The following ZNF658 variants were observed in gnomAD, a reference collection of about 807,000 sequenced individuals.
ZNF658 encodes zinc finger protein 658.
Under a neutral mutation model 78.0 loss-of-function variants are expected in ZNF658, and 46 were observed. The ratio of observed to expected loss-of-function variants is 0.59; its 90% CI spans 0.47 to 0.75. ZNF658 has a LOEUF of 0.75. Ranked by LOEUF, ZNF658 falls within the 30% of genes least tolerant of loss-of-function variation. The probability of loss-of-function intolerance (pLI) is 0.00; values close to 1 mark genes in which losing one functional copy is unlikely to be tolerated. For missense variants in ZNF658, 785 were observed against 1,189.3 expected (o/e 0.66, Z 5.00); for synonymous variants, 279 against 408.4 (o/e 0.68, Z 3.82).
intron 2 of ZNF658, among the ~76,000 whole-genome samples, chr9:66,904,192 C>T (rs1028083955): frequency 4.6e-5 from 7 of 151,494 alleles, no homozygotes; most frequent in East Asian, 1.9e-4. Context: ...TAGCATTTAA[C>T]GTCAACTCTC....
At chr9:66,900,900 CGGA>C (rs1821937764) in intron 1 of ZNF658, 64 bp downstream of exon 1, 1 of 152,024 alleles carries the variant, frequency 6.6e-6, no homozygotes, top group South Asian at 2.1e-4. Flanking sequence ...GGCTTGTGTG[CGGA>C]GGACAGCAGC....
chr9:66,920,290 A>C lies in ZNF658; in HGVS notation c.2724A>C (p.Lys908Asn), dbSNP rs1182838548. ...RAHLRTRSGE[K>N]PYECSECGKT... is the part of the protein sequence containing the mutation. The stretch of plus-strand genomic sequence containing the variant: ...ATCTTAGAACTCGCTCAGGGGAGAA[A>C]CCCTATGAATGCAGTGAATGTGGGA... Residue 908 changes from lysine (K) to asparagine (N), a missense_variant, in exon 5 of 5, where the codon AAA becomes AAC. Lys to Asn is a moderately conservative substitution (Grantham distance 94). This residue lies in a region of ZNF658 where 85 missense variants were observed against 108.6 expected (regional missense o/e 0.78). Transcript: ENST00000621410. 5 of 1,613,942 alleles carry C rather than the reference A, an allele frequency of 3.1e-6. No individual in the cohort carries two copies. The South Asian group carries it at 5.5e-5, about 18-fold the overall frequency.
intron 4 of ZNF658, among the ~76,000 whole-genome samples, 164 bp downstream of exon 4, chr9:66,908,898 A>G (rs1233982029): frequency 1.3e-5 from 2 of 152,192 alleles, no homozygotes; most frequent in Admixed American, 6.6e-5. Flanking sequence ...ACCACAGATC[A>G]AAACTATTCA....
At chr9:66,929,367 C>T (rs1365580362) in intron 6 of ZNF658, among the ~76,000 whole-genome samples, 1 of 137,396 alleles carries the variant, frequency 7.3e-6, no homozygotes, top group African/African-American at 2.8e-5. Flanking sequence ...ATTACCTGTG[C>T]TACCACACAG....
chr9:66,906,048 G>A (rs1236812351), intron 2 of ZNF658, among the ~76,000 whole-genome samples: 1 of 140,056 alleles, frequency 7.1e-6, no homozygotes, highest in Non-Finnish European at 1.5e-5. Flanking sequence ...TTTGTCTAGT[G>A]ACTTTTTAAT....
chr9:66,908,509 C>T (rs1259546537), intron 3 of ZNF658, 130 bp from the exon 4 acceptor site: 4 of 1,451,406 alleles, frequency 2.8e-6, no homozygotes, highest in Non-Finnish European at 3.7e-6. Context: ...ACAAAAGCAA[C>T]ATGTCATTAC....
chr9:66,915,049 A>T (rs1822301547), intron 4 of ZNF658, among the ~76,000 whole-genome samples: 1 of 125,916 alleles, frequency 7.9e-6, no homozygotes. Flanking sequence ...TGTTCTTTGG[A>T]ATTGCACACA....
In ZNF658 at chr9:66,918,724, T is replaced by C. The variant is rs1336249280; in HGVS notation, c.1158T>C (p.His386=). The C allele has an allele frequency of 3.7e-6, 6 of 1,613,824 alleles. No individual in the cohort carries two copies. Among genetic ancestry groups the C allele is most frequent in the South Asian group, 2.2e-5 (2 of 91,076 alleles). ...TEDKFYLSDE[H]GKCRKSFYRK... ...ATAAATTCTACCTTTCTGATGAACA[T>C]GGGAAATGCAGAAAATCCTTTTACC... The change falls in exon 5 of 5, where the codon CAT becomes CAC. Residue 386 remains histidine, a synonymous_variant. Transcript: ENST00000621410.
intron 6 of ZNF658, among the ~76,000 whole-genome samples, chr9:66,927,030 C>T (rs1822592394): frequency 6.6e-6 from 1 of 151,970 alleles, no homozygotes; most frequent in African/African-American, 2.4e-5. Context: ...GGATCCTTGT[C>T]TTATACCATA....
intron 6 of ZNF658, among the ~76,000 whole-genome samples, chr9:66,926,570 G>A (rs1822587797): frequency 1.4e-5 from 2 of 138,898 alleles, no homozygotes; most frequent in African/African-American, 2.6e-5. Flanking sequence ...AAATTTAAAA[G>A]GACACAAGTA....
chr9:66,903,840 G>C (rs981473827), intron 2 of ZNF658, among the ~76,000 whole-genome samples: 3 of 151,814 alleles, frequency 2.0e-5, no homozygotes, highest in Non-Finnish European at 4.4e-5. Flanking sequence ...AATACTTAAA[G>C]GTTTACATTG....
At chr9:66,923,242 A>G (rs530836360), downstream of ZNF658, among the ~76,000 whole-genome samples, 48 of 151,804 alleles carry the variant, frequency 3.2e-4, no homozygotes, top group African/African-American at 1.1e-3. Context: ...GCCAGGAAGC[A>G]TACAGCATGG....
chr9:66,905,683 GT>G (rs1273973679), intron 2 of ZNF658, among the ~76,000 whole-genome samples: 2 of 133,540 alleles, frequency 1.5e-5, no homozygotes, highest in Non-Finnish European at 3.1e-5. Flanking sequence ...TAAAATATTT[GT>G]TTTAGTTTTG....
chr9:66,908,738 A>G lies in ZNF658; in HGVS notation c.238+4A>G. The stretch of plus-strand genomic sequence containing the variant: ...TTCCTGAACCAGAGGTACCCAGGTG[A>G]GTGGGCATTAACAGAAGGAGCCCCC... On this transcript the variant is annotated splice_donor_region_variant and intron_variant, in intron 4 of 4. Coordinates refer to ENST00000621410, the MANE Select transcript of ZNF658 (RefSeq NM_033160.7). 1 of 1,610,488 alleles carries G rather than the reference A, an allele frequency of 6.2e-7. No individual in the cohort carries two copies. Among genetic ancestry groups the G allele is most frequent in the Non-Finnish European group, 8.5e-7 (1 of 1,178,802 alleles).
In ZNF658 at chr9:66,921,229, C is replaced by T. The variant is rs2118116795; in HGVS notation, c.*483C>T. ...CTTTATGTTAGAGTGAGATGAAACC[C>T]TATGAATATAATCAGTTTTAGAAAA... On this transcript the variant is annotated 3_prime_UTR_variant, in exon 5 of 5. Transcript: ENST00000621410. 1 of 157,940 alleles carries T rather than the reference C, an allele frequency of 6.3e-6. No individual in the cohort carries two copies. Among genetic ancestry groups the T allele is most frequent in the South Asian group, 1.7e-4 (1 of 5,912 alleles). The allele number at this position is 157,940 out of a possible 1,614,324, so 9.8% of individuals were successfully genotyped here.
Position 66,920,157 on chromosome 9 carries a change from C to T in ZNF658, c.2591C>T (p.Ala864Val). 1 of 1,609,476 alleles carries T rather than the reference C, an allele frequency of 6.2e-7. No individual in the cohort carries two copies. Among genetic ancestry groups the T allele is most frequent in the East Asian group, 2.2e-5 (1 of 44,590 alleles). The stretch of plus-strand genomic sequence containing the variant: ...TGTAATGAATGTGGGAAAACGTTTG[C>T]TGATAATTCAGCCCTCAGGGCACAT... ...YECNECGKTF[A>V]DNSALRAHHR... Residue 864 changes from alanine to valine, a missense_variant, in exon 5 of 5, where the codon GCT (alanine) becomes GTT (valine). By Grantham distance (64) the Ala-to-Val change is moderately conservative (BLOSUM62 0). Around this residue, in one of 12 missense-constraint regions of ZNF658, gnomAD observed 3 missense variants for 37.8 expected, o/e 0.08. Transcript: ENST00000621410.
intron 4 of ZNF658, among the ~76,000 whole-genome samples, chr9:66,913,030 G>A (rs1413227043): frequency 6.6e-6 from 1 of 151,178 alleles, no homozygotes; most frequent in African/African-American, 2.4e-5. Context: ...AAAGAAGAAT[G>A]AAGATGCACT....
chr9:66,900,990 T>C (rs1821939680), intron 1 of ZNF658, 154 bp downstream of exon 1: 1 of 152,120 alleles, frequency 6.6e-6, no homozygotes, highest in African/African-American at 2.4e-5. Context: ...CCGAGTCCTG[T>C]CCGCAGGTGT....
At chr9:66,925,660 T>C (rs554548594), downstream of ZNF658, among the ~76,000 whole-genome samples, 1 of 152,158 alleles carries the variant, frequency 6.6e-6, no homozygotes, top group South Asian at 2.1e-4. Context: ...CTACCAAATA[T>C]TTAAAGAAGA....
Sources: gnomAD v4.1 joint callset for allele counts (sites outside exome capture counted in the v4.1 genomes callset) on GRCh38, gnomAD v4.1.1 for gene constraint, gnomAD v4.1.1 regional missense constraint, MANE v1.5 for transcripts, NCBI Gene and HGNC (gene_info 2026-07-23, HGNC 2026-07-21) for gene names.